PLXNA3: variants seen among roughly 807,000 people sequenced by gnomAD.
PLXNA3 encodes plexin A3.
Under a neutral mutation model 118.8 loss-of-function variants are expected in PLXNA3, and 52 were observed. The observed-to-expected ratio is 0.44, with a 90% CI of 0.35 to 0.55. The LOEUF is 0.55. PLXNA3 is among the 20% of genes least tolerant of loss of function. The probability of loss-of-function intolerance (pLI) is 0.01; values close to 1 mark genes in which losing one functional copy is unlikely to be tolerated. For missense variants in PLXNA3, 1,660 were observed against 1,730.8 expected (o/e 0.96, Z 0.73); for synonymous variants, 925 against 762.4 (o/e 1.21, Z -3.51).
At chrX:154,466,995 G>T in intron 17 of PLXNA3, 62 bp from the exon 18 acceptor site, 1 of 1,033,569 alleles carries the variant, frequency 9.7e-7, no homozygotes, top group Non-Finnish European at 1.4e-6. Context: ...AGCCTTGATC[G>T]CTCTCCAGGG....
At position 154,466,471 on chromosome X, in the gene PLXNA3, G is replaced by A; in HGVS notation, c.2895G>A (p.Arg965=). ...GCAGCTCTCTGGATGCTGGCAGCAG[G>A]GTCACAGTGACTGTGAGGGACAGCG... ...ISGSSLDAGS[R]VTVTVRDSEC... is the part of the protein sequence containing the mutation. The change falls in exon 16 of 33, where the codon AGG becomes AGA. Residue 965 remains arginine, a synonymous_variant. Coordinates refer to ENST00000369682, the MANE Select transcript of PLXNA3 (RefSeq NM_017514.5). 1 of 1,210,327 alleles carries A rather than the reference G, an allele frequency of 8.3e-7. No individual in the cohort carries two copies.
rs1169669509 is a variant in PLXNA3, at chrX:154,477,626, A to T, written c.*4941A>T. Reference sequence around the variant, plus strand: ...AGTTAATCCTGAATGACAGAACCCAATTGATTTTCATTTTCTTCCATTTCC... The same window carrying T: ...AGTTAATCCTGAATGACAGAACCCATTTGATTTTCATTTTCTTCCATTTCC... On this transcript the variant is annotated 3_prime_UTR_variant, in exon 33 of 33. Coordinates refer to ENST00000369682, the MANE Select transcript of PLXNA3 (RefSeq NM_017514.5). The T allele has an allele frequency of 8.2e-6, 2 of 243,682 alleles. No individual in the cohort carries two copies. 20.1% of individuals were successfully genotyped at this position (243,682 alleles called of 1,213,427 possible). A position where few individuals can be genotyped will look rare whatever the true frequency, so the allele number is the denominator to read the frequency against.
rs782187821 is a variant in PLXNA3, at chrX:154,462,325, C to T, written c.1317+15C>T. The T allele has an allele frequency of 1.9e-5, 21 of 1,119,697 alleles. No homozygotes were observed. Among genetic ancestry groups the T allele is most frequent in the Non-Finnish European group, 2.5e-5 (21 of 846,438 alleles). 92.3% of individuals were successfully genotyped at this position (1,119,697 alleles called of 1,213,427 possible). A position where few individuals can be genotyped will look rare whatever the true frequency, so the allele number is the denominator to read the frequency against. ...GCTTGAAGAAGGTGGCCCCCAGAGCCCTGGGCATGTGGGGGTGGGGACAGT... is the reference window on the plus strand; with the variant it reads ...GCTTGAAGAAGGTGGCCCCCAGAGCTCTGGGCATGTGGGGGTGGGGACAGT... On this transcript the variant is annotated intron_variant, in intron 4 of 32. Transcript: ENST00000369682.
Position 154,467,707 on chromosome X carries a change from A to AC in PLXNA3, c.3585+24dup. On this transcript the variant is annotated intron_variant, in intron 20 of 32. Coordinates refer to ENST00000369682, the MANE Select transcript of PLXNA3 (RefSeq NM_017514.5). The stretch of plus-strand genomic sequence containing the variant: ...TGTCATGGTAGGTGGGGATGGGGAG[A>AC]CCCCCTGGGCAGCCCAGGGTGGGCG... 1 of 1,203,588 alleles carries AC rather than the reference A, an allele frequency of 8.3e-7. No homozygotes were observed. Among genetic ancestry groups the AC allele is most frequent in the Non-Finnish European group, 1.1e-6 (1 of 892,952 alleles).
rs781792809 is a variant in PLXNA3 at position 154,472,779 on chromosome X, C to T, written c.*94C>T. 2.4e-4 allele frequency: 155 copies of T among 650,846 alleles called. No homozygotes were observed. In the East Asian group the frequency reaches 5.0e-3, roughly 21 times the overall value. 53.6% of individuals were successfully genotyped at this position (650,846 alleles called of 1,213,427 possible). A position where few individuals can be genotyped will look rare whatever the true frequency, so the allele number is the denominator to read the frequency against. ...CTCAAGCCTGGGTCCCCGGGCTGAG[C>T]CCTGGATTGGGTATCGTGGGGCAGG... On this transcript the variant is annotated 3_prime_UTR_variant, in exon 33 of 33. Transcript: ENST00000369682.
chrX:154,467,669 C>T lies in PLXNA3; in HGVS notation c.3566C>T (p.Thr1189Ile). ...TQLLCDSPSQ[T>I]GRQPVMVLVG... Reference sequence around the variant, plus strand: ...CTCCTGTGCGACTCACCCAGCCAGACTGGCCGGCAGCCTGTCATGGTAGGT... The same window carrying T: ...CTCCTGTGCGACTCACCCAGCCAGATTGGCCGGCAGCCTGTCATGGTAGGT... The change falls in exon 20 of 33, where the codon ACT becomes ATT. Residue 1189 changes from threonine (T) to isoleucine (I), a missense_variant. This residue lies in a region of PLXNA3 where 869 missense variants were observed against 1,078.7 expected (regional missense o/e 0.81). Transcript: ENST00000369682. 1 of 1,209,842 alleles carries T rather than the reference C, an allele frequency of 8.3e-7. No homozygotes were observed. Among genetic ancestry groups the T allele is most frequent in the Non-Finnish European group, 1.1e-6 (1 of 895,127 alleles).
chrX:154,463,782 C>G (rs782492630), intron 6 of PLXNA3, 92 bp downstream of exon 6: 2 of 970,892 alleles, frequency 2.1e-6, no homozygotes, highest in South Asian at 2.2e-5. Context: ...GGCCTCCCCC[C>G]GCCCTCCTCC....
intron 17 of PLXNA3, 114 bp from the exon 18 acceptor site, chrX:154,466,943 A>C (rs2069096449): frequency 2.3e-6 from 2 of 864,214 alleles, no homozygotes; most frequent in Non-Finnish European, 3.3e-6. Flanking sequence ...CCCGGCACCC[A>C]CTAGGCGATC....
Position 154,463,431 on chromosome X carries a change from C to T in PLXNA3, c.1358C>T (p.Thr453Ile), listed in dbSNP as rs781974500. ...TTCCAGGATGCCCACCTGTATGAGA[C>T]AGTCCCCGTGGTGGATGGCAGCCCC... ...DGFQDAHLYE[T>I]VPVVDGSPIL... Residue 453 changes from threonine to isoleucine, a missense_variant, in exon 5 of 33, where the codon ACA (threonine) becomes ATA (isoleucine). Thr to Ile is a moderately conservative substitution (Grantham distance 89). Transcript: ENST00000369682. 1.3e-5 allele frequency: 16 copies of T among 1,209,895 alleles called. No homozygotes were observed. The highest frequency in any genetic ancestry group is 1.2e-4 in the South Asian group (7 of 56,885).
Position 154,467,832 on chromosome X carries a change from C to T in PLXNA3, c.3651C>T (p.Thr1217=), listed in dbSNP as rs1449193355. ...ACATCTCGGCAGAGCGGGCGCTGAC[C>T]CTACCGGCCATGATGGGGCTGGCGG... The part of the protein sequence containing the change: ...TLHISAERAL[T]LPAMMGLAAG... The change falls in exon 21 of 33, where the codon ACC becomes ACT. Residue 1217 remains threonine, a synonymous_variant. Coordinates refer to ENST00000369682, the MANE Select transcript of PLXNA3 (RefSeq NM_017514.5). 1 of 1,204,705 alleles carries T rather than the reference C, an allele frequency of 8.3e-7. No individual in the cohort carries two copies. The highest frequency in any genetic ancestry group is 1.8e-5 in the African/African-American group (1 of 57,097).
At position 154,466,472 on chromosome X, in the gene PLXNA3, G is replaced by A. The variant is rs1345923138; in HGVS notation, c.2896G>A (p.Val966Ile). Residue 966 changes from valine (V) to isoleucine (I), a missense_variant, in exon 16 of 33, where the codon GTC becomes ATC. By Grantham distance (29) the Val-to-Ile change is conservative (BLOSUM62 3). Coordinates refer to ENST00000369682, the MANE Select transcript of PLXNA3 (RefSeq NM_017514.5). ...CAGCTCTCTGGATGCTGGCAGCAGG[G>A]TCACAGTGACTGTGAGGGACAGCGA... Reference protein sequence around the residue: ...SGSSLDAGSRVTVTVRDSECQ... With the variant: ...SGSSLDAGSRITVTVRDSECQ... The A allele has an allele frequency of 4.1e-6, 5 of 1,209,172 alleles. No individual in the cohort carries two copies. In the African/African-American group the frequency reaches 5.2e-5, roughly 13 times the overall value.
Position 154,469,073 on chromosome X carries a change from T to C in PLXNA3, c.4452T>C (p.Cys1484=), listed in dbSNP as rs868935801. The C allele has an allele frequency of 8.3e-7, 1 of 1,211,525 alleles. No individual in the cohort carries two copies. The highest frequency in any genetic ancestry group is 1.1e-6 in the Non-Finnish European group (1 of 895,576). ...DYKTLTLHCV[C]PENEGSAQVP... ...CCCCTCAGACCCTTCACTGCGTGTG[T>C]CCGGAGAACGAGGGCAGCGCCCAGG... The change falls in exon 26 of 33, where the codon TGT becomes TGC. Residue 1484 remains cysteine (C), a synonymous_variant. Transcript: ENST00000369682.
At position 154,464,820 on chromosome X, in the gene PLXNA3, C is replaced by A. The variant is rs946142301; in HGVS notation, c.1995C>A (p.Ser665Arg). The A allele has an allele frequency of 1.2e-5, 15 of 1,207,685 alleles. No homozygotes were observed. Among genetic ancestry groups the A allele is most frequent in the East Asian group, 3.0e-5 (1 of 33,756 alleles). The change falls in exon 10 of 33, where the codon AGC becomes AGA. Residue 665 changes from serine to arginine, a missense_variant. Coordinates refer to ENST00000369682, the MANE Select transcript of PLXNA3 (RefSeq NM_017514.5). ...HWCKYRHTCT[S>R]RPHECSFQEG... ...GTAAGTACCGCCACACGTGTACCAG[C>A]CGCCCCCACGAGTGCTCCTTCCAGG...
At position 154,477,039 on chromosome X, in the gene PLXNA3, G is replaced by C. The variant is rs1239487524; in HGVS notation, c.*4354G>C. ...ACAGGCGTGTGAGGAAGCTACCCAA[G>C]ACCAGGGAAGGCCATCACCCCAGCA... On this transcript the variant is annotated 3_prime_UTR_variant, in exon 33 of 33. Coordinates refer to ENST00000369682, the MANE Select transcript of PLXNA3 (RefSeq NM_017514.5). 3 of 111,998 alleles carry C rather than the reference G, an allele frequency of 2.7e-5. No homozygotes were observed. The highest frequency in any genetic ancestry group is 9.8e-5 in the African/African-American group (3 of 30,714). 9.2% of individuals were successfully genotyped at this position (111,998 alleles called of 1,213,427 possible). A position where few individuals can be genotyped will look rare whatever the true frequency, so the allele number is the denominator to read the frequency against.
intron 31 of PLXNA3, 56 bp downstream of exon 31, chrX:154,471,373 G>A: frequency 2.6e-6 from 3 of 1,160,545 alleles, no homozygotes; most frequent in Non-Finnish European, 2.3e-6. Flanking sequence ...TCCCTGGGCT[G>A]CCTGTGCGAG....
Position 154,471,181 on chromosome X carries a change from G to T in PLXNA3, c.5233G>T (p.Asp1745Tyr). The change falls in exon 31 of 33, where the codon GAT becomes TAT. Residue 1745 changes from aspartate to tyrosine, a missense_variant. Transcript: ENST00000369682. ...VFDIHKNSIT[D>Y]ACLSVVAQTF... ...CGACATCCACAAGAACAGCATCACGGATGCCTGCCTGTCGGTGGTAGCCCA... is the reference window on the plus strand; with the variant it reads ...CGACATCCACAAGAACAGCATCACGTATGCCTGCCTGTCGGTGGTAGCCCA... 8.3e-7 allele frequency: 1 copy of T among 1,211,034 alleles called. No individual in the cohort carries two copies. The highest frequency in any genetic ancestry group is 1.1e-6 in the Non-Finnish European group (1 of 894,827).
chrX:154,467,169 G>GCCCCA lies in PLXNA3; in HGVS notation c.3201+24_3201+28dup, dbSNP rs781822855. On this transcript the variant is annotated intron_variant, in intron 18 of 32. Transcript: ENST00000369682. ...CACCAATGTGAGTACCAGCTGCCCC[G>GCCCCA]CCCCACCCCGACCCTGCAGCCCATG... 1 of 1,178,334 alleles carries GCCCCA rather than the reference G, an allele frequency of 8.5e-7. No homozygotes were observed. Among genetic ancestry groups the GCCCCA allele is most frequent in the African/African-American group, 1.7e-5 (1 of 57,241 alleles).
At chrX:154,470,959 G>A (rs2069175056) in intron 30 of PLXNA3, 146 bp from the exon 31 acceptor site, 1 of 478,935 alleles carries the variant, frequency 2.1e-6, no homozygotes, top group Admixed American at 3.7e-5. Flanking sequence ...GAGACTTAGA[G>A]GAAAGGCCGT....
At chrX:154,463,748 AGCCACACCCAGCCGTGCCCTT>A in intron 6 of PLXNA3, 58 bp downstream of exon 6, 2 of 1,020,543 alleles carry the variant, frequency 2.0e-6, no homozygotes, top group Non-Finnish European at 2.7e-6. Context: ...AGGGGGAGCC[AGCCACACCCAGCCGTGCCCTT>A]GCGGCCTCCC....
Sources: allele counts gnomAD v4.1 joint callset, GRCh38; gene constraint gnomAD v4.1.1; regional missense constraint gnomAD v4.1.1; transcripts MANE v1.5; gene names NCBI Gene and HGNC (gene_info 2026-07-23, HGNC 2026-07-21).